Variants in KCNQ5 observed in about 807,000 individuals in gnomAD.
KCNQ5 encodes potassium voltage-gated channel subfamily KQT member 5.
A neutral mutation model predicts 98.2 loss-of-function variants in KCNQ5; 30 were observed. That is an observed-to-expected ratio of 0.31 (90% confidence interval 0.23 to 0.41). The LOEUF is 0.41. Among genes scored for constraint, KCNQ5 ranks in the 10% least tolerant of loss-of-function variants. KCNQ5 has a pLI of 1.00. For synonymous variants in KCNQ5, 458 were observed against 449.4 expected (o/e 1.02, Z -0.24); for missense variants, 835 against 1,182.5 (o/e 0.71, Z 4.31).
chr6:72,821,219 A>G (rs1775738995), intron 1 of KCNQ5, among the ~76,000 whole-genome samples: 1 of 152,180 alleles, frequency 6.6e-6, no homozygotes, highest in East Asian at 1.9e-4. Context: ...ACCCAACATT[A>G]ATGTTCTAAG....
chr6:73,006,678 G>A (rs1769828906), intron 2 of KCNQ5, among the ~76,000 whole-genome samples: 1 of 152,018 alleles, frequency 6.6e-6, no homozygotes, highest in African/African-American at 2.4e-5. Context: ...AAAATAAAAT[G>A]TTTGCAAAAA....
chr6:73,083,417 T>C (rs903628028), intron 5 of KCNQ5, among the ~76,000 whole-genome samples: 8 of 151,878 alleles, frequency 5.3e-5, no homozygotes, highest in Non-Finnish European at 1.2e-4. Flanking sequence ...GGGGGAAAAA[T>C]CTTAAATATT....
chr6:73,014,944 G>A (rs1020980161), intron 2 of KCNQ5, among the ~76,000 whole-genome samples: 5 of 152,014 alleles, frequency 3.3e-5, no homozygotes, highest in Admixed American at 3.3e-4. Flanking sequence ...ACATTTACTG[G>A]TCCTTGCAAA....
rs370087338 is a variant in KCNQ5 at position 73,161,638 on chromosome 6, T to C, written c.1469-8108T>C. Among the ~76,000 whole-genome samples the C allele has an allele frequency of 4.6e-5, 7 of 152,178 alleles. No homozygotes were observed. In the East Asian group the frequency reaches 1.2e-3, roughly 25 times the overall value. On this transcript the variant is annotated intron_variant, in intron 10 of 13. Coordinates refer to ENST00000370398, the MANE Select transcript of KCNQ5 (RefSeq NM_019842.4). The stretch of plus-strand genomic sequence containing the variant: ...AAATAGAATTATTTTTAAAAAGAAA[T>C]GCAGAAAGAATCTAATCCGTAAAAG...
At chr6:73,171,559 A>C (rs1778016712) in intron 11 of KCNQ5, among the ~76,000 whole-genome samples, 1 of 152,206 alleles carries the variant, frequency 6.6e-6, no homozygotes, top group Non-Finnish European at 1.5e-5. Context: ...AGGCTATTTA[A>C]ATTTGAATTA....
intron 10 of KCNQ5, among the ~76,000 whole-genome samples, chr6:73,138,153 A>G (rs975212273): frequency 6.6e-6 from 1 of 152,262 alleles, no homozygotes; most frequent in East Asian, 1.9e-4. Context: ...GTCTGTGTCT[A>G]TTTTCCCTGG....
At chr6:72,779,096 A>C (rs1773315715) in intron 1 of KCNQ5, among the ~76,000 whole-genome samples, 1 of 152,214 alleles carries the variant, frequency 6.6e-6, no homozygotes, top group South Asian at 2.1e-4. Context: ...GGAGAAAGGC[A>C]AGAAAAAGTT....
At chr6:72,988,520 G>T (rs1768926302) in intron 1 of KCNQ5, among the ~76,000 whole-genome samples, 1 of 152,048 alleles carries the variant, frequency 6.6e-6, no homozygotes, top group Non-Finnish European at 1.5e-5. Context: ...AGGGGAAGGA[G>T]AAGGGCGTAG....
intron 10 of KCNQ5, among the ~76,000 whole-genome samples, chr6:73,149,208 T>C (rs1018481975): frequency 6.6e-6 from 1 of 152,152 alleles, no homozygotes; most frequent in Non-Finnish European, 1.5e-5. Flanking sequence ...ATATCTGTTG[T>C]AAAATGGGAT....
At chr6:72,719,613 C>T (rs1769840178) in intron 1 of KCNQ5, among the ~76,000 whole-genome samples, 1 of 152,216 alleles carries the variant, frequency 6.6e-6, no homozygotes, top group African/African-American at 2.4e-5. Context: ...TTTGGGGCCT[C>T]TTGCTTAGAG....
chr6:73,132,064 A>C lies in KCNQ5; in HGVS notation c.1248-1357A>C, dbSNP rs192386421. 1.1e-4 allele frequency among the ~76,000 whole-genome samples: 16 copies of C among 152,354 alleles called. No homozygotes were observed. The East Asian group carries it at 2.5e-3, about 24-fold the overall frequency. On this transcript the variant is annotated intron_variant, in intron 9 of 13. Transcript: ENST00000370398. ...AATATCGTTTGTTAAGCAACTAGGC[A>C]TGGAAAAATAAATGTTACTGTTTCT...
chr6:72,955,570 T>C (rs2150259327), intron 1 of KCNQ5, among the ~76,000 whole-genome samples: 1 of 152,324 alleles, frequency 6.6e-6, no homozygotes, highest in South Asian at 2.1e-4. Flanking sequence ...TTCTAGGTGA[T>C]TTAATCCACT....
At chr6:72,924,732 G>A (rs1305074847) in intron 1 of KCNQ5, among the ~76,000 whole-genome samples, 30 of 152,114 alleles carry the variant, frequency 2.0e-4, no homozygotes, top group Admixed American at 2.0e-3. Flanking sequence ...GTGAGCAACT[G>A]CTGTCTTGGT....
chr6:72,996,217 A>G (rs767433046), intron 1 of KCNQ5, among the ~76,000 whole-genome samples: 2 of 152,232 alleles, frequency 1.3e-5, no homozygotes, highest in Admixed American at 6.5e-5. Flanking sequence ...AATGTATACC[A>G]GAAGGATCTG....
At chr6:72,787,511 T>A (rs563373598) in intron 1 of KCNQ5, among the ~76,000 whole-genome samples, 1 of 151,754 alleles carries the variant, frequency 6.6e-6, no homozygotes, top group South Asian at 2.1e-4. Flanking sequence ...ATTTAATTAG[T>A]CTCTGGTGAG....
intron 1 of KCNQ5, among the ~76,000 whole-genome samples, chr6:72,682,445 AC>A (rs1448615214): frequency 6.6e-6 from 1 of 152,054 alleles, no homozygotes; most frequent in Admixed American, 6.5e-5. Context: ...AAGGATTTGT[AC>A]CTTTTTTTTC....
chr6:72,907,391 A>G (rs549454635), intron 1 of KCNQ5, among the ~76,000 whole-genome samples: 1 of 152,308 alleles, frequency 6.6e-6, no homozygotes, highest in Non-Finnish European at 1.5e-5. Flanking sequence ...TTTTATTTAG[A>G]CTGTTTGGAG....
intron 1 of KCNQ5, among the ~76,000 whole-genome samples, chr6:72,998,067 G>A (rs530405484): frequency 6.6e-6 from 1 of 152,194 alleles, no homozygotes; most frequent in African/African-American, 2.4e-5. Context: ...AAAGTACCAA[G>A]TTTAGAAAGA....
At chr6:73,067,979 T>C (rs1352727441) in intron 3 of KCNQ5, among the ~76,000 whole-genome samples, 3 of 151,882 alleles carry the variant, frequency 2.0e-5, no homozygotes, top group Non-Finnish European at 4.4e-5. Context: ...ATTTATACTA[T>C]TTATTTTTCT....
Sources: gnomAD v4.1 joint callset for allele counts (sites outside exome capture counted in the v4.1 genomes callset) on GRCh38, gnomAD v4.1.1 for gene constraint, MANE v1.5 for transcripts, NCBI Gene and HGNC (gene_info 2026-07-23, HGNC 2026-07-21) for gene names.